Variants in TANC2 observed in about 807,000 individuals in gnomAD.
TANC2 encodes the protein tetratricopeptide repeat, ankyrin repeat and coiled-coil containing 2.
In TANC2, 26 loss-of-function variants were observed where a neutral mutation model predicts 210.5. The ratio of observed to expected loss-of-function variants is 0.12; its 90% CI spans 0.09 to 0.17. The LOEUF is 0.17. Among genes scored for constraint, TANC2 ranks in the 10% least tolerant of loss-of-function variants. TANC2 has a pLI of 1.00. For synonymous variants in TANC2, 931 were observed against 967.1 expected, an observed-to-expected ratio of 0.96 and a Z score of 0.69; for missense variants, 2,129 against 2,608.9, an observed-to-expected ratio of 0.82 and a Z score of 4.01.
At chr17:63,137,734 T>A (rs779999253) in intron 4 of TANC2, among the ~76,000 whole-genome samples, 2 of 152,220 alleles carry the variant, frequency 1.3e-5, no homozygotes, top group Non-Finnish European at 2.9e-5. Context: ...ATATGCCAGA[T>A]ACTATTCTAG....
chr17:63,039,700 G>GATAAAAGCA (rs920624740), intron 2 of TANC2, among the ~76,000 whole-genome samples: 2 of 152,184 alleles, frequency 1.3e-5, no homozygotes, highest in African/African-American at 4.8e-5. Context: ...TTGTTAACAA[G>GATAAAAGCA]ATAAAAGCCT....
At chr17:63,263,039 A>G (rs1031636709) in intron 8 of TANC2, among the ~76,000 whole-genome samples, 9 of 152,200 alleles carry the variant, frequency 5.9e-5, no homozygotes, top group Non-Finnish European at 1.2e-4. Context: ...TATAGAAATT[A>G]TATCTACAAT....
intron 1 of TANC2, among the ~76,000 whole-genome samples, chr17:62,989,251 T>C (rs748931515): frequency 3.9e-5 from 6 of 152,216 alleles, no homozygotes; most frequent in Non-Finnish European, 8.8e-5. Flanking sequence ...CAGTAAACAG[T>C]GAACAGATAG....
chr17:63,207,372 C>T (rs568966154), intron 7 of TANC2, among the ~76,000 whole-genome samples: 22 of 151,880 alleles, frequency 1.4e-4, no homozygotes, highest in South Asian at 4.2e-4. Context: ...CCCGCCACCA[C>T]GCTTGGCTAA....
chr17:63,013,740 C>T (rs764105452), intron 2 of TANC2, among the ~76,000 whole-genome samples: 11 of 124,586 alleles, frequency 8.8e-5, no homozygotes, highest in South Asian at 2.5e-4. Context: ...CTAGCCTGGG[C>T]GACAGAGTGA....
chr17:63,093,242 GT>G lies in TANC2; in HGVS notation c.140-5922del, dbSNP rs567578179. Among the ~76,000 whole-genome samples the G allele has an allele frequency of 3.2e-3, 467 of 145,158 alleles. 5 individuals are homozygous for G. The highest frequency in any genetic ancestry group is 8.6e-3 in the African/African-American group (342 of 39,846). On this transcript the variant is annotated intron_variant, in intron 3 of 27. Transcript: ENST00000689528. ...TATAGTTTCTTCTAATAGTTTTATAGTTTTTTTTTTTAACATTTTCAGTCTG... is the reference window on the plus strand; with the variant it reads ...TATAGTTTCTTCTAATAGTTTTATAGTTTTTTTTTTAACATTTTCAGTCTG...
intron 4 of TANC2, among the ~76,000 whole-genome samples, chr17:63,105,224 A>G (rs1291300387): frequency 1.3e-5 from 2 of 151,730 alleles, no homozygotes; most frequent in East Asian, 1.9e-4. Flanking sequence ...CCTGATTTTC[A>G]AAGTATTTGT....
At chr17:63,358,858 A>G (rs757255770) in intron 14 of TANC2, among the ~76,000 whole-genome samples, 4 of 152,012 alleles carry the variant, frequency 2.6e-5, no homozygotes, top group Non-Finnish European at 4.4e-5. Flanking sequence ...TAATATTTCT[A>G]TATCGCTTTA....
intron 4 of TANC2, among the ~76,000 whole-genome samples, chr17:63,138,609 A>T (rs1273288799): frequency 2.0e-5 from 3 of 152,130 alleles, no homozygotes; most frequent in Admixed American, 1.3e-4. Context: ...CTGAAATGAA[A>T]TACGTCTCTT....
chr17:63,005,893 AGTTT>A (rs1359661334), intron 1 of TANC2, among the ~76,000 whole-genome samples: 6 of 121,114 alleles, frequency 5.0e-5, no homozygotes, highest in African/African-American at 1.2e-4. Flanking sequence ...CTGGCTGTAT[AGTTT>A]GTGTGTGTGT....
intron 11 of TANC2, among the ~76,000 whole-genome samples, chr17:63,329,855 AAAG>A (rs2045777296): frequency 1.3e-5 from 2 of 152,200 alleles, no homozygotes; most frequent in South Asian, 2.1e-4. Context: ...GTTCAAGTAA[AAAG>A]AAGAACTGCA....
intron 1 of TANC2, among the ~76,000 whole-genome samples, chr17:63,003,986 T>C (rs1421931875): frequency 6.6e-6 from 1 of 152,164 alleles, no homozygotes; most frequent in Admixed American, 6.5e-5. Context: ...CAGACAATCA[T>C]TAACAGTGTA....
rs542022903 is a variant in TANC2, at chr17:63,235,641, C to T, written c.770-2173C>T. Among the ~76,000 whole-genome samples the T allele has an allele frequency of 4.3e-3, 646 of 151,912 alleles. 5 individuals are homozygous for T. Among genetic ancestry groups the T allele is most frequent in the African/African-American group, 0.015 (626 of 41,498 alleles). ...CATCCTTTATAATTCATCTTCTTCC[C>T]GTGTTATTAGAAAATCCAGAACTCC... On this transcript the variant is annotated intron_variant, in intron 7 of 27. Coordinates refer to ENST00000689528, the Ensembl canonical transcript of TANC2.
chr17:62,976,208 C>T (rs966236955), intron 1 of TANC2, among the ~76,000 whole-genome samples: 16 of 152,130 alleles, frequency 1.1e-4, no homozygotes, highest in African/African-American at 3.9e-4. Context: ...TAATTTTAAT[C>T]CTTTCTATAA....
chr17:63,216,913 G>T (rs2042041614), intron 7 of TANC2, among the ~76,000 whole-genome samples: 1 of 152,032 alleles, frequency 6.6e-6, no homozygotes, highest in Non-Finnish European at 1.5e-5. Context: ...CTAGAAATCA[G>T]TAATAGAAAA....
At chr17:63,380,132 G>T (rs1406899293) in intron 15 of TANC2, among the ~76,000 whole-genome samples, 1 of 152,202 alleles carries the variant, frequency 6.6e-6, no homozygotes, top group Non-Finnish European at 1.5e-5. Context: ...TCATATTGTA[G>T]CAATTAGTTG....
intron 8 of TANC2, among the ~76,000 whole-genome samples, chr17:63,257,954 G>A (rs2043246221): frequency 1.3e-5 from 2 of 152,118 alleles, no homozygotes; most frequent in Non-Finnish European, 1.5e-5. Flanking sequence ...AGTGAGTTTT[G>A]TACCTAAGAT....
intron 4 of TANC2, among the ~76,000 whole-genome samples, chr17:63,126,204 C>T (rs909124837): frequency 1.6e-4 from 24 of 152,112 alleles, no homozygotes; most frequent in African/African-American, 5.8e-4. Flanking sequence ...ATTATTATAT[C>T]CTCAGTCTTT....
chr17:63,139,514 G>A (rs1317643269), intron 4 of TANC2, among the ~76,000 whole-genome samples: 1 of 152,190 alleles, frequency 6.6e-6, no homozygotes, highest in Non-Finnish European at 1.5e-5. Flanking sequence ...TGTAGTCCCA[G>A]CTACTTGTTT....
Sources: allele counts gnomAD v4.1 joint callset (sites outside exome capture counted in the v4.1 genomes callset), GRCh38; gene constraint gnomAD v4.1.1; transcripts MANE v1.5; gene names NCBI Gene and HGNC (gene_info 2026-07-23, HGNC 2026-07-21).